Variants in GALNT16 observed in about 807,000 individuals in gnomAD.
GALNT16 encodes the protein polypeptide N-acetylgalactosaminyltransferase 16.
In GALNT16, 40 loss-of-function variants were observed where a neutral mutation model predicts 76.1. That is an observed-to-expected ratio of 0.53 (90% CI 0.41 to 0.68). The LOEUF (loss-of-function observed/expected upper bound fraction) is 0.68, where lower values mean the gene tolerates loss of function less well. GALNT16 is among the 30% of genes least tolerant of loss of function. GALNT16 has a pLI of 0.00. For synonymous variants in GALNT16, 276 were observed against 285.2 expected, an observed-to-expected ratio of 0.97 and a Z score of 0.32; for missense variants, 621 against 731.9, an observed-to-expected ratio of 0.85 and a Z score of 1.75.
the GALNT16 span, among the ~76,000 whole-genome samples, chr14:69,366,585 C>G: frequency 6.6e-6 from 1 of 152,192 alleles, no homozygotes; most frequent in African/African-American, 2.4e-5. Flanking sequence ...TGCTGTAAAA[C>G]TCTCTGAGGG....
intron 6 of GALNT16, among the ~76,000 whole-genome samples, chr14:69,328,798 G>T (rs2045318109): frequency 6.6e-6 from 1 of 152,242 alleles, no homozygotes; most frequent in Non-Finnish European, 1.5e-5. Context: ...TTGGATGAAA[G>T]CCTGGGTGAG....
rs1273242900 is a variant in GALNT16, at chr14:69,320,840, C to T, written c.307C>T (p.Arg103Trp). 15 of 1,613,558 alleles carry T rather than the reference C, an allele frequency of 9.3e-6. No homozygotes were observed. Among genetic ancestry groups the T allele is most frequent in the Middle Eastern group, 1.7e-4 (1 of 6,054 alleles). Residue 103 changes from arginine to tryptophan, a missense_variant, in exon 2 of 15, where the codon CGG (arginine) becomes TGG (tryptophan). Transcript: ENST00000448469. Reference protein sequence around the residue: ...QLESDKLSPDRPIRDTRHYSC... With the variant: ...QLESDKLSPDWPIRDTRHYSC... ...GGAGAGTGACAAGCTGAGCCCAGAC[C>T]GGCCCATCCGGGACACCCGCCATTA...
chr14:69,276,165 A>G (rs61980293), intron 1 of GALNT16, among the ~76,000 whole-genome samples: 3,331 of 152,294 alleles, frequency 0.022, 59 homozygotes, highest in Middle Eastern at 0.044. Context: ...TCTGAGAGAT[A>G]CAATTGAAGA....
the GALNT16 span, among the ~76,000 whole-genome samples, chr14:69,377,581 T>C: frequency 0.015 from 2,283 of 151,982 alleles, 62 homozygotes; most frequent in African/African-American, 0.052. Context: ...CCAAGGCAGG[T>C]GGATCACTTG....
At position 69,333,509 on chromosome 14, in the gene GALNT16, A is replaced by T. The variant is rs368569093; in HGVS notation, c.876A>T (p.Ile292=). Residue 292 remains isoleucine (I), a synonymous_variant, in exon 9 of 15, where the codon ATA becomes ATT. Transcript: ENST00000448469. The surrounding 1 kb of genome is among the most constrained non-coding windows in gnomAD (Gnocchi z 4.2). ...DPTRPIRTPV[I]AGGIFVIDKS... ...TCCTTGCTCCCAGGACGCCTGTCATAGCTGGAGGAATCTTCGTGATCGACA... is the reference window on the plus strand; with the variant it reads ...TCCTTGCTCCCAGGACGCCTGTCATTGCTGGAGGAATCTTCGTGATCGACA... The T allele has an allele frequency of 2.4e-5, 39 of 1,608,652 alleles. No individual in the cohort carries two copies. Among genetic ancestry groups the T allele is most frequent in the Non-Finnish European group, 3.1e-5 (37 of 1,175,656 alleles).
At chr14:69,350,858 A>G (rs1310489112) in intron 14 of GALNT16, 1 of 152,282 alleles carries the variant, frequency 6.6e-6, no homozygotes, top group Admixed American at 6.5e-5. Flanking sequence ...AACCCAAACT[A>G]GACCTATCTT....
chr14:69,320,220 C>T lies in GALNT16; in HGVS notation c.178-491C>T, dbSNP rs201615010. ...TTTAAAAAGCCTCTTGATGGCCGGG[C>T]GCGGTGGCGCATGCCTGTAATCCCA... On this transcript the variant is annotated intron_variant, in intron 1 of 14. Transcript: ENST00000448469. Among the ~76,000 whole-genome samples, 5 of 152,210 alleles carry T rather than the reference C, an allele frequency of 3.3e-5. No individual in the cohort carries two copies. The East Asian group carries it at 5.8e-4, about 18-fold the overall frequency.
intron 5 of GALNT16, among the ~76,000 whole-genome samples, chr14:69,327,339 C>T (rs950368345): frequency 2.6e-5 from 4 of 152,024 alleles, no homozygotes; most frequent in Non-Finnish European, 2.9e-5. Flanking sequence ...GCCTGGGTGA[C>T]AGAGCGACAC....
chr14:69,296,796 C>T (rs955880343), intron 1 of GALNT16, among the ~76,000 whole-genome samples: 3,062 of 137,014 alleles, frequency 0.022, 41 homozygotes, highest in East Asian at 0.03. Context: ...GATAGACAGA[C>T]AGATAGAGCT....
At chr14:69,328,316 T>G in intron 5 of GALNT16, 134 bp from the exon 6 acceptor site, 1 of 907,994 alleles carries the variant, frequency 1.1e-6, no homozygotes, top group South Asian at 1.8e-5. Context: ...AGCAGAAGTA[T>G]AAAGTCAAAT....
intron 1 of GALNT16, among the ~76,000 whole-genome samples, chr14:69,310,155 C>A (rs2044996073): frequency 6.6e-6 from 1 of 152,140 alleles, no homozygotes; most frequent in South Asian, 2.1e-4. Context: ...TATAAGACTA[C>A]AGGTACTACT....
At chr14:69,329,389 A>G (rs2045325301) in intron 6 of GALNT16, among the ~76,000 whole-genome samples, 1 of 152,168 alleles carries the variant, frequency 6.6e-6, no homozygotes, top group Non-Finnish European at 1.5e-5. Context: ...ATTTGAGTAG[A>G]CATTTTTTCA....
At chr14:69,376,758 G>A in the GALNT16 span, among the ~76,000 whole-genome samples, 1 of 152,082 alleles carries the variant, frequency 6.6e-6, no homozygotes, top group African/African-American at 2.4e-5. Context: ...GAGAAACATG[G>A]CCCTTATGTG....
In GALNT16 at chr14:69,261,650, C is replaced by T. The variant is rs1421184020; in HGVS notation, c.177+1183C>T. On this transcript the variant is annotated intron_variant, in intron 1 of 14. Transcript: ENST00000448469. The surrounding 1 kb of genome is among the most constrained non-coding windows in gnomAD (Gnocchi z 6.4). Reference sequence around the variant, plus strand: ...CGGAGGGCTGAGGCTTGTGTGGAGCCGAATCCGAGAAACGCATCCAGACGC... The same window carrying T: ...CGGAGGGCTGAGGCTTGTGTGGAGCTGAATCCGAGAAACGCATCCAGACGC... 6.6e-6 allele frequency among the ~76,000 whole-genome samples: 1 copy of T among 152,060 alleles called. No individual in the cohort carries two copies. Among genetic ancestry groups the T allele is most frequent in the Non-Finnish European group, 1.5e-5 (1 of 67,986 alleles).
intron 12 of GALNT16, 126 bp from the exon 13 acceptor site, chr14:69,346,914 G>C: frequency 9.1e-7 from 1 of 1,093,682 alleles, no homozygotes; most frequent in East Asian, 2.4e-5. Context: ...TGGCCAGGCT[G>C]CTCCCGGGCC....
intron 1 of GALNT16, among the ~76,000 whole-genome samples, chr14:69,264,082 A>G (rs2044310067): frequency 1.3e-5 from 2 of 152,248 alleles, no homozygotes. Flanking sequence ...CCAGTTCACT[A>G]ACAGGCATGG....
chr14:69,382,741 A>G, the GALNT16 span, among the ~76,000 whole-genome samples: 1 of 150,666 alleles, frequency 6.6e-6, no homozygotes, highest in South Asian at 2.1e-4. Context: ...CGGGAGGCTG[A>G]GGCAGGAGAA....
At chr14:69,344,807 A>G (rs1277430203) in intron 12 of GALNT16, among the ~76,000 whole-genome samples, 1 of 152,208 alleles carries the variant, frequency 6.6e-6, no homozygotes, top group Non-Finnish European at 1.5e-5. Flanking sequence ...CCCCCTGTGC[A>G]GTTATCAAAG....
chr14:69,318,699 T>C (rs1337461367), intron 1 of GALNT16, among the ~76,000 whole-genome samples: 2 of 152,258 alleles, frequency 1.3e-5, no homozygotes, highest in East Asian at 3.8e-4. Flanking sequence ...TTCCCACAGC[T>C]GACCTGGAGG....
Sources: gnomAD v4.1 joint callset for allele counts (sites outside exome capture counted in the v4.1 genomes callset) on GRCh38, gnomAD v4.1.1 for gene constraint, Gnocchi (gnomAD v3.1) non-coding constraint, MANE v1.5 for transcripts, NCBI Gene and HGNC (gene_info 2026-07-23, HGNC 2026-07-21) for gene names.